The following XPOT variants were observed in gnomAD, a reference collection of about 807,000 sequenced individuals.
The protein encoded by XPOT is exportin-T.
Under a neutral mutation model 128.2 loss-of-function variants are expected in XPOT, and 34 were observed. The ratio of observed to expected loss-of-function variants is 0.27; its 90% CI spans 0.20 to 0.35. The LOEUF (loss-of-function observed/expected upper bound fraction) is 0.35, where lower values mean the gene tolerates loss of function less well. XPOT is among the 10% of genes least tolerant of loss of function. XPOT has a pLI of 1.00. For missense variants in XPOT, 838 were observed against 1,125.3 expected, an observed-to-expected ratio of 0.74 and a Z score of 3.65; for synonymous variants, 348 against 394.3, an observed-to-expected ratio of 0.88 and a Z score of 1.39.
chr12:64,425,886 T>C lies in XPOT; in HGVS notation c.1644T>C (p.Phe548=), dbSNP rs374071515. The change falls in exon 15 of 25, where the codon TTT becomes TTC. Residue 548 remains phenylalanine (F), a synonymous_variant. Transcript: ENST00000332707. Reference sequence around the variant, plus strand: ...TTCGGAGCAGGACGGCTTACCTGTTTTCTAGATTTGTCAAATCTCTCAAGT... The same window carrying C: ...TTCGGAGCAGGACGGCTTACCTGTTCTCTAGATTTGTCAAATCTCTCAAGT... ...AKVRSRTAYL[F]SRFVKSLNKQ... is the part of the protein sequence containing the mutation. 180 of 1,614,052 alleles carry C rather than the reference T, an allele frequency of 1.1e-4. No individual in the cohort carries two copies. Among genetic ancestry groups the C allele is most frequent in the Middle Eastern group, 1.6e-4 (1 of 6,082 alleles).
chr12:64,407,409 C>T (rs1057236165), intron 1 of XPOT, among the ~76,000 whole-genome samples: 1 of 151,620 alleles, frequency 6.6e-6, no homozygotes, highest in Non-Finnish European at 1.5e-5. Flanking sequence ...TCACTTGAAC[C>T]CAGGAGCCAG....
intron 1 of XPOT, among the ~76,000 whole-genome samples, chr12:64,408,451 C>T (rs1194714724): frequency 6.6e-6 from 1 of 152,130 alleles, no homozygotes; most frequent in African/African-American, 2.4e-5. Flanking sequence ...GTCTCCCTAC[C>T]TTATAGGTCT....
At chr12:64,408,532 A>G (rs937453326) in intron 1 of XPOT, among the ~76,000 whole-genome samples, 2 of 152,220 alleles carry the variant, frequency 1.3e-5, no homozygotes, top group African/African-American at 2.4e-5. Context: ...TATGCATTCT[A>G]TCAAAAACTA....
At chr12:64,428,469 A>G (rs1436133158) in intron 16 of XPOT, among the ~76,000 whole-genome samples, 1 of 152,178 alleles carries the variant, frequency 6.6e-6, no homozygotes, top group Admixed American at 6.5e-5. Flanking sequence ...TCAACTTCTA[A>G]ATTATTCTGT....
rs576651617 is a variant in XPOT at position 64,430,155 on chromosome 12, C to T, written c.1844C>T (p.Ala615Val). The change falls in exon 17 of 25, where the codon GCC becomes GTC. Residue 615 changes from alanine to valine, a missense_variant. Coordinates refer to ENST00000332707, the MANE Select transcript of XPOT (RefSeq NM_007235.6). ...GAATATCCGGCAGAAAGGAAACAAG[C>T]CTTAATGAGGAATCTGTTGACTCCA... is the stretch of plus-strand genomic sequence containing the variant. ...NSEYPAERKQ[A>V]LMRNLLTPLM... The T allele has an allele frequency of 6.2e-7, 1 of 1,613,794 alleles. No individual in the cohort carries two copies. Among genetic ancestry groups the T allele is most frequent in the South Asian group, 1.1e-5 (1 of 91,038 alleles).
At chr12:64,426,976 T>C (rs768374495) in intron 15 of XPOT, among the ~76,000 whole-genome samples, 2 of 151,902 alleles carry the variant, frequency 1.3e-5, no homozygotes, top group Admixed American at 1.3e-4. Context: ...AGAGTGAAAC[T>C]CTGTCTCAAA....
intron 15 of XPOT, 47 bp downstream of exon 15, chr12:64,425,956 C>T (rs750982706): frequency 1.4e-5 from 22 of 1,520,906 alleles, no homozygotes; most frequent in Middle Eastern, 1.7e-4. Flanking sequence ...TTTTAAGTTA[C>T]TGGATAGATG....
At chr12:64,423,133 A>G (rs781176330) in intron 10 of XPOT, 49 bp from the exon 11 acceptor site, 1 of 1,593,568 alleles carries the variant, frequency 6.3e-7, no homozygotes, top group South Asian at 1.1e-5. Flanking sequence ...ATTATATCAA[A>G]TTAGAAGGAG....
chr12:64,430,425 G>A, intron 17 of XPOT, 138 bp downstream of exon 17: 1 of 759,718 alleles, frequency 1.3e-6, no homozygotes, highest in Non-Finnish European at 2.0e-6. Context: ...TCCAAATCCA[G>A]TCAGTTAGAT....
intron 9 of XPOT, 101 bp downstream of exon 9, chr12:64,421,572 T>C: frequency 1.3e-6 from 1 of 742,518 alleles, no homozygotes; most frequent in Non-Finnish European, 2.3e-6. Flanking sequence ...TACCCATAAT[T>C]CTACTACCTA....
At chr12:64,430,869 G>A (rs1170968445) in intron 17 of XPOT, among the ~76,000 whole-genome samples, 1 of 152,136 alleles carries the variant, frequency 6.6e-6, no homozygotes, top group Non-Finnish European at 1.5e-5. Context: ...CCTAGTACAG[G>A]CCTAGTCATA....
At chr12:64,416,577 A>G in intron 3 of XPOT, 121 bp from the exon 4 acceptor site, 1 of 724,930 alleles carries the variant, frequency 1.4e-6, no homozygotes, top group Non-Finnish European at 2.3e-6. Context: ...AGTAAGTATG[A>G]AACAAGCCAA....
At chr12:64,419,691 C>T (rs1038526803) in intron 6 of XPOT, among the ~76,000 whole-genome samples, 2 of 152,132 alleles carry the variant, frequency 1.3e-5, no homozygotes, top group African/African-American at 4.8e-5. Context: ...AAGGTAGTCT[C>T]AATTTAATAC....
intron 1 of XPOT, among the ~76,000 whole-genome samples, chr12:64,405,608 A>G (rs2039971986): frequency 6.6e-6 from 1 of 152,134 alleles, no homozygotes; most frequent in South Asian, 2.1e-4. Flanking sequence ...GTATTGAAAC[A>G]TTTTTTGGGG....
chr12:64,431,634 C>G lies in XPOT; in HGVS notation c.2073C>G (p.Leu691=), dbSNP rs747431111. ...LDCLQTFLPA[L]SCPLQKDILR... ...GTTTACAGACATTCTTGCCAGCCCT[C>G]AGTTGTCCCTTACAAAAGGATATTC... The change falls in exon 18 of 25, where the codon CTC becomes CTG. Residue 691 remains leucine, a synonymous_variant. Coordinates refer to ENST00000332707, the MANE Select transcript of XPOT (RefSeq NM_007235.6). The G allele has an allele frequency of 6.2e-7, 1 of 1,613,942 alleles. No homozygotes were observed. Among genetic ancestry groups the G allele is most frequent in the South Asian group, 1.1e-5 (1 of 91,074 alleles).
At chr12:64,405,843 CT>C (rs2039975757) in intron 1 of XPOT, among the ~76,000 whole-genome samples, 1 of 152,210 alleles carries the variant, frequency 6.6e-6, no homozygotes, top group Non-Finnish European at 1.5e-5. Flanking sequence ...GTCTCGATCT[CT>C]TGACCTCGCG....
intron 8 of XPOT, 24 bp from the exon 9 acceptor site, chr12:64,421,211 G>C: frequency 6.4e-7 from 1 of 1,568,130 alleles, no homozygotes; most frequent in Non-Finnish European, 8.8e-7. Flanking sequence ...GTTTTAAACA[G>C]AGATGTGTCT....
intron 23 of XPOT, among the ~76,000 whole-genome samples, chr12:64,441,774 C>T (rs1176368491): frequency 2.0e-5 from 3 of 151,642 alleles, no homozygotes; most frequent in African/African-American, 4.8e-5. Flanking sequence ...ATGCAACCTC[C>T]GCCTCCCAGG....
At chr12:64,428,302 CAA>C (rs1469984047) in intron 16 of XPOT, among the ~76,000 whole-genome samples, 182 bp downstream of exon 16, 13 of 151,872 alleles carry the variant, frequency 8.6e-5, no homozygotes, top group African/African-American at 3.1e-4. Context: ...TAATAGGAAT[CAA>C]GAGTTGACAG....
Sources: gnomAD v4.1 joint callset for allele counts (sites outside exome capture counted in the v4.1 genomes callset) on GRCh38, gnomAD v4.1.1 for gene constraint, MANE v1.5 for transcripts, NCBI Gene and HGNC (gene_info 2026-07-23, HGNC 2026-07-21) for gene names.